The following DPP10 variants were observed in gnomAD, a reference collection of about 807,000 sequenced individuals.
The protein encoded by DPP10 is inactive dipeptidyl peptidase 10.
In DPP10, 33 loss-of-function variants were observed where a neutral mutation model predicts 120.9. The ratio of observed to expected loss-of-function variants is 0.27; its 90% CI spans 0.21 to 0.37. DPP10 has a LOEUF of 0.37. Ranked by LOEUF, DPP10 falls within the 10% of genes least tolerant of loss-of-function variation. The pLI is 1.00. For missense variants in DPP10, 816 were observed against 942.8 expected (o/e 0.87, Z 1.76); for synonymous variants, 337 against 326.1 (o/e 1.03, Z -0.36).
intron 3 of DPP10, among the ~76,000 whole-genome samples, chr2:115,388,935 G>T (rs1033157626): frequency 2.5e-4 from 38 of 151,758 alleles, no homozygotes; most frequent in African/African-American, 9.0e-4. Context: ...TTTTAACTTT[G>T]AAGGTTAAGC....
chr2:114,827,428 T>C (rs1432541794), intron 1 of DPP10, among the ~76,000 whole-genome samples: 2 of 152,190 alleles, frequency 1.3e-5, no homozygotes, highest in African/African-American at 4.8e-5. Context: ...GGGTACTGAC[T>C]TGTTGACCAT....
intron 1 of DPP10, among the ~76,000 whole-genome samples, chr2:114,541,578 C>T (rs958028589): frequency 6.6e-6 from 1 of 152,014 alleles, no homozygotes; most frequent in African/African-American, 2.4e-5. Flanking sequence ...GAAGGCTAAG[C>T]TTTAAGTTAA....
chr2:115,163,865 G>GA (rs1559168855), intron 1 of DPP10, among the ~76,000 whole-genome samples: 2 of 152,196 alleles, frequency 1.3e-5, no homozygotes. Flanking sequence ...CACAGGAGCT[G>GA]AAAATGTATG....
chr2:114,466,616 C>T (rs779140109), intron 1 of DPP10, among the ~76,000 whole-genome samples: 3 of 152,108 alleles, frequency 2.0e-5, no homozygotes, highest in Non-Finnish European at 2.9e-5. Flanking sequence ...TCCAAAAGTA[C>T]TTAGAAGGGT....
At chr2:114,773,440 A>G (rs1003995996) in intron 1 of DPP10, among the ~76,000 whole-genome samples, 1 of 146,922 alleles carries the variant, frequency 6.8e-6, no homozygotes, top group Non-Finnish European at 1.5e-5. Flanking sequence ...GACTTTTTAA[A>G]TGAACACTCA....
chr2:114,485,174 G>T (rs187861159), intron 1 of DPP10, among the ~76,000 whole-genome samples: 194 of 152,236 alleles, frequency 1.3e-3, no homozygotes, highest in African/African-American at 4.3e-3. Flanking sequence ...TAAAGAGCTT[G>T]CATTGTTGTC....
chr2:115,620,651 T>C (rs2084877175), intron 5 of DPP10, among the ~76,000 whole-genome samples: 1 of 152,238 alleles, frequency 6.6e-6, no homozygotes, highest in Non-Finnish European at 1.5e-5. Flanking sequence ...CTTTTTAGTA[T>C]GTTCATTTCC....
At chr2:115,473,495 A>G (rs1445722532) in intron 3 of DPP10, among the ~76,000 whole-genome samples, 1 of 152,134 alleles carries the variant, frequency 6.6e-6, no homozygotes, top group East Asian at 1.9e-4. Context: ...CAGCCCAATT[A>G]CATTCTTGGC....
chr2:114,741,104 A>G (rs1330268893), intron 1 of DPP10, among the ~76,000 whole-genome samples: 1 of 152,164 alleles, frequency 6.6e-6, no homozygotes, highest in South Asian at 2.1e-4. Context: ...AAAGAACTTG[A>G]AGCTCAAATA....
intron 1 of DPP10, among the ~76,000 whole-genome samples, chr2:114,653,239 C>T (rs186054096): frequency 0.015 from 2,235 of 152,116 alleles, 34 homozygotes; most frequent in Middle Eastern, 0.027. Context: ...GGCTAACTGT[C>T]CTTATAAGAC....
intron 1 of DPP10, among the ~76,000 whole-genome samples, chr2:115,288,285 G>A (rs2060487680): frequency 6.6e-6 from 1 of 151,740 alleles, no homozygotes; most frequent in Non-Finnish European, 1.5e-5. Context: ...GATTAGTGAT[G>A]TTGAACATTT....
intron 1 of DPP10, among the ~76,000 whole-genome samples, chr2:114,699,584 G>A (rs1179826243): frequency 2.0e-5 from 3 of 152,092 alleles, no homozygotes; most frequent in Admixed American, 1.3e-4. Flanking sequence ...AGCAGTCTTT[G>A]ATAGGCAGAG....
chr2:114,645,598 A>G (rs568605946), intron 1 of DPP10, among the ~76,000 whole-genome samples: 2 of 152,142 alleles, frequency 1.3e-5, no homozygotes, highest in South Asian at 4.1e-4. Context: ...CTTTATTTTA[A>G]CCTTTTGTTT....
At chr2:115,832,223 G>A (rs1426827676) in intron 21 of DPP10, among the ~76,000 whole-genome samples, 4 of 152,290 alleles carry the variant, frequency 2.6e-5, no homozygotes, top group East Asian at 3.9e-4. Context: ...GGCTGGTGGG[G>A]CACACCTGTA....
At chr2:114,555,721 TAAA>T (rs1453408588) in intron 1 of DPP10, among the ~76,000 whole-genome samples, 5 of 152,172 alleles carry the variant, frequency 3.3e-5, no homozygotes, top group Admixed American at 2.6e-4. Flanking sequence ...ATAGGTATAA[TAAA>T]CTTCATATTT....
chr2:115,024,824 T>C lies in DPP10; in HGVS notation c.61-284415T>C, dbSNP rs145946437. On this transcript the variant is annotated intron_variant, in intron 1 of 25. Coordinates refer to ENST00000410059, the MANE Select transcript of DPP10 (RefSeq NM_020868.6). ...ATACATATATATGTTTAAGGCTGTA[T>C]GGCCATATATGTGTGTGTGTGTATC... Among the ~76,000 whole-genome samples the C allele has an allele frequency of 3.5e-3, 521 of 148,394 alleles. 2 individuals carry two copies. Among genetic ancestry groups the C allele is most frequent in the African/African-American group, 0.012 (498 of 40,712 alleles).
intron 1 of DPP10, among the ~76,000 whole-genome samples, chr2:114,896,926 C>T (rs1228885846): frequency 2.0e-5 from 3 of 152,000 alleles, no homozygotes; most frequent in African/African-American, 7.3e-5. Flanking sequence ...ACCTAATTTA[C>T]TGAGAGTTTT....
chr2:115,253,862 C>A (rs1384639234), intron 1 of DPP10, among the ~76,000 whole-genome samples: 1 of 152,222 alleles, frequency 6.6e-6, no homozygotes, highest in Non-Finnish European at 1.5e-5. Flanking sequence ...CCCAGCTTCA[C>A]TAGGCAATGC....
At chr2:114,967,406 C>T (rs1009423683) in intron 1 of DPP10, among the ~76,000 whole-genome samples, 7 of 152,028 alleles carry the variant, frequency 4.6e-5, no homozygotes, top group Admixed American at 2.0e-4. Flanking sequence ...GCAGAGAGCC[C>T]GCAGAGGCTT....
Sources: allele counts gnomAD v4.1 joint callset (sites outside exome capture counted in the v4.1 genomes callset), GRCh38; gene constraint gnomAD v4.1.1; transcripts MANE v1.5; gene names NCBI Gene and HGNC (gene_info 2026-07-23, HGNC 2026-07-21).